The following PPA2 variants were observed in gnomAD, a reference collection of about 807,000 sequenced individuals.
PPA2 encodes the protein inorganic pyrophosphatase 2.
A neutral mutation model predicts 49.5 loss-of-function variants in PPA2; 48 were observed. The ratio of observed to expected loss-of-function variants is 0.97; its 90% CI spans 0.77 to 1.23. The LOEUF is 1.23. PPA2 is among the 50% of genes most tolerant of loss of function. PPA2 has a pLI of 0.00. For missense variants in PPA2, 429 were observed against 410.1 expected, an observed-to-expected ratio of 1.05 and a Z score of -0.40; for synonymous variants, 131 against 139.9, an observed-to-expected ratio of 0.94 and a Z score of 0.45.
chr4:105,378,251 A>G (rs1578794724), intron 10 of PPA2, among the ~76,000 whole-genome samples: 1 of 152,280 alleles, frequency 6.6e-6, no homozygotes, highest in Non-Finnish European at 1.5e-5. Flanking sequence ...AAAAGTGTGT[A>G]TTAGCATGTA....
intron 1 of PPA2, among the ~76,000 whole-genome samples, chr4:105,471,863 A>G (rs1003002986): frequency 6.6e-6 from 1 of 152,086 alleles, no homozygotes; most frequent in Non-Finnish European, 1.5e-5. Context: ...CCTTTCTTCC[A>G]GTTTTTGCCC....
intron 3 of PPA2, among the ~76,000 whole-genome samples, chr4:105,452,779 G>A (rs749224735): frequency 6.6e-6 from 1 of 152,148 alleles, no homozygotes; most frequent in Non-Finnish European, 1.5e-5. Flanking sequence ...CTTGTAGCAG[G>A]AGATGGAATG....
intron 10 of PPA2, among the ~76,000 whole-genome samples, chr4:105,378,380 C>A (rs1450393354): frequency 6.6e-6 from 1 of 152,016 alleles, no homozygotes; most frequent in East Asian, 1.9e-4. Flanking sequence ...TTAAAAAATT[C>A]TATTTTTGGG....
chr4:105,458,818 C>CA (rs57073135), intron 1 of PPA2, among the ~76,000 whole-genome samples: 3,738 of 31,500 alleles, frequency 0.12, 729 homozygotes, highest in Non-Finnish European at 0.15. Flanking sequence ...ACTCCACCTC[C>CA]AAAAAAAAAA....
chr4:105,401,612 T>G (rs1722196582), intron 7 of PPA2, among the ~76,000 whole-genome samples: 1 of 152,164 alleles, frequency 6.6e-6, no homozygotes, highest in South Asian at 2.1e-4. Context: ...AAGTGGCAGT[T>G]CTCTAGTAGT....
At chr4:105,384,543 A>G (rs1733609791) in intron 10 of PPA2, among the ~76,000 whole-genome samples, 1 of 152,224 alleles carries the variant, frequency 6.6e-6, no homozygotes, top group African/African-American at 2.4e-5. Context: ...ACTGAAATAC[A>G]TGGAATAGAC....
intron 8 of PPA2, chr4:105,398,797 CA>C (rs1734243940): frequency 3.4e-6 from 1 of 297,356 alleles, no homozygotes; most frequent in Non-Finnish European, 6.0e-6. Flanking sequence ...CTTCATTTTC[CA>C]AGACGTAGGA....
At chr4:105,457,497 T>C (rs1240614609) in intron 1 of PPA2, among the ~76,000 whole-genome samples, 2 of 152,192 alleles carry the variant, frequency 1.3e-5, no homozygotes, top group African/African-American at 4.8e-5. Context: ...TTTGGCATAA[T>C]TTTCAAATTT....
intron 7 of PPA2, among the ~76,000 whole-genome samples, chr4:105,403,673 T>A (rs1295934020): frequency 1.3e-5 from 2 of 152,192 alleles, no homozygotes; most frequent in African/African-American, 2.4e-5. Flanking sequence ...TTTTCTTAAC[T>A]AACTTTGGTT....
intron 7 of PPA2, chr4:105,406,929 T>A (rs1178396542): frequency 6.6e-6 from 1 of 151,912 alleles, no homozygotes; most frequent in African/African-American, 2.4e-5. Context: ...CCCTATAACT[T>A]TAAATTTGAC....
rs199988905 is a variant in PPA2 at position 105,380,751 on chromosome 4, AAT to A, written c.939+5814_939+5815del. ...ACCATATATGTTTGTTTTCATAAAAAATATGTCTATTGCTTTTAAAAAAATAC... is the reference window on the plus strand; with the variant it reads ...ACCATATATGTTTGTTTTCATAAAAAATGTCTATTGCTTTTAAAAAAATAC... On this transcript the variant is annotated intron_variant, in intron 10 of 11. Coordinates refer to ENST00000341695, the MANE Select transcript of PPA2 (RefSeq NM_176869.3). Among the ~76,000 whole-genome samples, 473 of 152,264 alleles carry A rather than the reference AAT, an allele frequency of 3.1e-3. 6 individuals carry two copies. Among genetic ancestry groups the A allele is most frequent in the African/African-American group, 0.011 (447 of 41,572 alleles).
chr4:105,400,268 G>A (rs1263477163), intron 7 of PPA2, among the ~76,000 whole-genome samples: 1 of 151,164 alleles, frequency 6.6e-6, no homozygotes, highest in Non-Finnish European at 1.5e-5. Flanking sequence ...TGAACGAACG[G>A]TTTTCTTATT....
intron 1 of PPA2, among the ~76,000 whole-genome samples, chr4:105,463,743 T>A (rs767651263): frequency 6.6e-6 from 1 of 152,172 alleles, no homozygotes; most frequent in Non-Finnish European, 1.5e-5. Flanking sequence ...AAGGTACAGC[T>A]TGGGTTTTTG....
At chr4:105,373,891 T>C (rs1733132494) in intron 10 of PPA2, among the ~76,000 whole-genome samples, 1 of 152,090 alleles carries the variant, frequency 6.6e-6, no homozygotes, top group Non-Finnish European at 1.5e-5. Flanking sequence ...TCATTTAAAT[T>C]TGAAAACATC....
At chr4:105,400,414 G>A (rs548002510) in intron 7 of PPA2, among the ~76,000 whole-genome samples, 2 of 152,258 alleles carry the variant, frequency 1.3e-5, no homozygotes, top group East Asian at 3.9e-4. Context: ...GGGATCACCT[G>A]AGGTCAGGAG....
At chr4:105,400,008 C>A (rs1165048999) in intron 7 of PPA2, among the ~76,000 whole-genome samples, 5 of 152,154 alleles carry the variant, frequency 3.3e-5, no homozygotes, top group African/African-American at 1.2e-4. Context: ...CCATTAGTCA[C>A]TTAGTAGCCT....
In PPA2 at chr4:105,379,397, A is replaced by G. The variant is rs547876854; in HGVS notation, c.939+7170T>C. Among the ~76,000 whole-genome samples, 7 of 151,594 alleles carry G rather than the reference A, an allele frequency of 4.6e-5. No homozygotes were observed. The South Asian group carries it at 1.5e-3, about 31-fold the overall frequency. On this transcript the variant is annotated intron_variant, in intron 10 of 11. Coordinates refer to ENST00000341695, the MANE Select transcript of PPA2 (RefSeq NM_176869.3). The stretch of plus-strand genomic sequence containing the variant: ...TATATAGATGTGTGTGTATATATAT[A>G]TCTATATGTGTGTATCTATCAATAT...
At chr4:105,416,099 T>C (rs886879846) in intron 7 of PPA2, among the ~76,000 whole-genome samples, 3 of 152,186 alleles carry the variant, frequency 2.0e-5, no homozygotes, top group Admixed American at 2.0e-4. Flanking sequence ...TTGAAGGAAA[T>C]CTATCAGAAT....
At chr4:105,465,643 C>T (rs370399275) in intron 1 of PPA2, among the ~76,000 whole-genome samples, 1 of 152,316 alleles carries the variant, frequency 6.6e-6, no homozygotes, top group East Asian at 1.9e-4. Context: ...AGATTGACAG[C>T]TGGCTGGGTA....
Sources: gnomAD v4.1 joint callset for allele counts (sites outside exome capture counted in the v4.1 genomes callset) on GRCh38, gnomAD v4.1.1 for gene constraint, MANE v1.5 for transcripts, NCBI Gene and HGNC (gene_info 2026-07-23, HGNC 2026-07-21) for gene names.